OTUD7A: variants seen among roughly 807,000 people sequenced by gnomAD.
OTUD7A encodes OTU deubiquitinase 7A, also known as OTU domain-containing protein 7A.
Under a neutral mutation model 65.7 loss-of-function variants are expected in OTUD7A, and 12 were observed. The ratio of observed to expected loss-of-function variants is 0.18; its 90% CI spans 0.12 to 0.30. The LOEUF (loss-of-function observed/expected upper bound fraction) is 0.30, where lower values mean the gene tolerates loss of function less well. OTUD7A is among the 10% of genes least tolerant of loss of function. The pLI is 1.00. For synonymous variants in OTUD7A, 641 were observed against 586.3 expected (o/e 1.09, Z -1.35); for missense variants, 1,148 against 1,304.8 (o/e 0.88, Z 1.85).
At chr15:31,573,789 T>C (rs2141175847) in intron 3 of OTUD7A, among the ~76,000 whole-genome samples, 1 of 152,338 alleles carries the variant, frequency 6.6e-6, no homozygotes, top group East Asian at 1.9e-4. Flanking sequence ...TAGTCCCAGC[T>C]GCTCAGAAGG....
At chr15:31,566,995 T>C (rs1032268426) in intron 4 of OTUD7A, among the ~76,000 whole-genome samples, 2 of 152,144 alleles carry the variant, frequency 1.3e-5, no homozygotes, top group Non-Finnish European at 1.5e-5. Context: ...TTCATAGCAA[T>C]GCAAGAAAGG....
chr15:31,842,933 G>A (rs1897218598), intron 1 of OTUD7A, among the ~76,000 whole-genome samples: 1 of 152,080 alleles, frequency 6.6e-6, no homozygotes, highest in African/African-American at 2.4e-5. Flanking sequence ...TCGGTTCCAG[G>A]AAGCCAAGGG....
At chr15:31,678,249 T>C (rs71476559) in intron 1 of OTUD7A, among the ~76,000 whole-genome samples, 2 of 152,204 alleles carry the variant, frequency 1.3e-5, no homozygotes, top group African/African-American at 2.4e-5. Context: ...TTGGAACTTA[T>C]GTTTAAAAGG....
chr15:31,576,953 TAG>T (rs1170430370), intron 3 of OTUD7A, among the ~76,000 whole-genome samples: 1 of 152,020 alleles, frequency 6.6e-6, no homozygotes, highest in African/African-American at 2.4e-5. Flanking sequence ...TTTTGGAGTT[TAG>T]ACACAACAGA....
chr15:31,857,607 C>A (rs919375886), intron 1 of OTUD7A, among the ~76,000 whole-genome samples: 1 of 152,156 alleles, frequency 6.6e-6, no homozygotes, highest in African/African-American at 2.4e-5. Flanking sequence ...CAGCCTGAGC[C>A]GGGCCCCTCG....
chr15:31,484,717 AG>A lies in OTUD7A; in HGVS notation c.1378del (p.Leu460TrpfsTer76). ...IRIPSETRAP[L>X]AQPESPTASA... ...GGCCGTGGGAGACTCCGGCTGTGCC[AG>A]GGGCGCCTGTGTGGAGAGGGAGGGC... On this transcript the variant is annotated frameshift_variant, in exon 13 of 13. Transcript: ENST00000307050. LOFTEE classifies it low-confidence loss of function (END_TRUNC). This position sits in a 1 kb window ranked among gnomAD's most constrained non-coding sequence, Gnocchi z 4.5. 1 of 1,590,332 alleles carries A rather than the reference AG, an allele frequency of 6.3e-7. No individual in the cohort carries two copies.
At chr15:31,631,765 T>C (rs1891165656) in intron 3 of OTUD7A, among the ~76,000 whole-genome samples, 1 of 152,248 alleles carries the variant, frequency 6.6e-6, no homozygotes, top group African/African-American at 2.4e-5. Flanking sequence ...TAGTCCCATA[T>C]TTCTTGGAGG....
At chr15:31,595,627 T>C (rs1398683311) in intron 3 of OTUD7A, among the ~76,000 whole-genome samples, 5 of 152,232 alleles carry the variant, frequency 3.3e-5, no homozygotes. Flanking sequence ...CTTAAAACAG[T>C]GCAAATTTAC....
intron 10 of OTUD7A, among the ~76,000 whole-genome samples, chr15:31,488,767 C>T (rs2041275787): frequency 6.6e-6 from 1 of 152,242 alleles, no homozygotes; most frequent in Non-Finnish European, 1.5e-5. Context: ...TGCTGCCCTC[C>T]AGTGTTGCTT....
chr15:31,790,835 C>G (rs910205211), intron 1 of OTUD7A, among the ~76,000 whole-genome samples: 3 of 152,146 alleles, frequency 2.0e-5, no homozygotes, highest in African/African-American at 7.2e-5. Flanking sequence ...GAGGCTGCCC[C>G]CTTTATGGAA....
chr15:31,759,526 G>T (rs1015326796), intron 1 of OTUD7A, among the ~76,000 whole-genome samples: 1 of 152,140 alleles, frequency 6.6e-6, no homozygotes, highest in African/African-American at 2.4e-5. Flanking sequence ...TACCACATTG[G>T]CATGCATTTT....
intron 1 of OTUD7A, among the ~76,000 whole-genome samples, chr15:31,697,246 G>A (rs1472298222): frequency 2.8e-5 from 3 of 106,318 alleles, no homozygotes; most frequent in Non-Finnish European, 4.6e-5. Context: ...TTCCCCAGGC[G>A]GCCCCTCCTC....
At chr15:31,730,869 G>A (rs576663248) in intron 1 of OTUD7A, among the ~76,000 whole-genome samples, 1 of 152,320 alleles carries the variant, frequency 6.6e-6, no homozygotes, top group Non-Finnish European at 1.5e-5. Context: ...ATGGAGGGAT[G>A]GAGGACCATT....
chr15:31,660,288 G>C (rs1322938507), intron 1 of OTUD7A, among the ~76,000 whole-genome samples: 3 of 151,982 alleles, frequency 2.0e-5, no homozygotes, highest in Non-Finnish European at 2.9e-5. Flanking sequence ...TCTCAACTCA[G>C]ATGTCAACAT....
At chr15:31,802,139 G>GTA (rs533544165) in intron 1 of OTUD7A, among the ~76,000 whole-genome samples, 7,134 of 134,950 alleles carry the variant, frequency 0.053, 204 homozygotes, top group Non-Finnish European at 0.067. Context: ...GTGTGTGTGT[G>GTA]TGTATATATA....
chr15:31,649,552 A>G (rs1891775138), intron 3 of OTUD7A: 1 of 181,386 alleles, frequency 5.5e-6, no homozygotes, highest in African/African-American at 2.3e-5. Context: ...CCCAATACAC[A>G]TCTTTCTGAG....
At chr15:31,814,848 C>T (rs1166339346) in intron 1 of OTUD7A, among the ~76,000 whole-genome samples, 1 of 152,126 alleles carries the variant, frequency 6.6e-6, no homozygotes, top group Non-Finnish European at 1.5e-5. Context: ...AAGTTCTATT[C>T]ATGTTTACTG....
intron 3 of OTUD7A, among the ~76,000 whole-genome samples, chr15:31,597,747 C>A (rs551937607): frequency 7.2e-4 from 109 of 152,244 alleles, no homozygotes; most frequent in African/African-American, 2.6e-3. Context: ...CCCACCCTGC[C>A]CAGCCCTTCT....
chr15:31,788,388 T>C (rs1895728972), intron 1 of OTUD7A, among the ~76,000 whole-genome samples: 1 of 152,224 alleles, frequency 6.6e-6, no homozygotes, highest in Non-Finnish European at 1.5e-5. Flanking sequence ...GCGGGAACCA[T>C]GGCCATGTTT....
Sources: allele counts gnomAD v4.1 joint callset (sites outside exome capture counted in the v4.1 genomes callset), GRCh38; gene constraint gnomAD v4.1.1; non-coding constraint Gnocchi (gnomAD v3.1); transcripts MANE v1.5; gene names NCBI Gene and HGNC (gene_info 2026-07-23, HGNC 2026-07-21).